Variants in CHCHD6 observed in about 807,000 individuals in gnomAD.
The protein encoded by CHCHD6 is coiled-coil-helix-coiled-coil-helix domain containing 6.
In CHCHD6, 28 loss-of-function variants were observed where a neutral mutation model predicts 32.3. The observed-to-expected ratio is 0.87, with a 90% CI of 0.64 to 1.19. The LOEUF is 1.19. Ranked by LOEUF, CHCHD6 falls within the 50% of genes most tolerant of loss-of-function variation. CHCHD6 has a pLI of 0.00. For synonymous variants in CHCHD6, 122 were observed against 117.5 expected (o/e 1.04, Z -0.25); for missense variants, 333 against 307.0 (o/e 1.08, Z -0.63).
In CHCHD6 at chr3:126,913,207, CTTTTTTTTTTTTTTTTTTTTTTT is replaced by C. The variant is rs546179022; in HGVS notation, c.496-1458_496-1436del. Among the ~76,000 whole-genome samples the C allele has an allele frequency of 1.8e-4, 6 of 33,786 alleles. No homozygotes were observed. The East Asian group carries it at 3.3e-3, about 18-fold the overall frequency. 22.2% of individuals were successfully genotyped at this position (33,786 alleles called of 152,430 possible). On this transcript the variant is annotated intron_variant, in intron 5 of 7. Transcript: ENST00000290913. Reference sequence around the variant, plus strand: ...GGATAATCATGCTGCCCGTATGAGCCTTTTTTTTTTTTTTTTTTTTTTTTTTTTTTTTTTTTTGGGAGACGGAG... The same window carrying C: ...GGATAATCATGCTGCCCGTATGAGCCTTTTTTTTTTTTTTGGGAGACGGAG...
Position 126,854,656 on chromosome 3 carries a change from G to A in CHCHD6, c.495+1926G>A, listed in dbSNP as rs73203684. 8.0e-3 allele frequency among the ~76,000 whole-genome samples: 1,221 copies of A among 152,116 alleles called. 8 individuals are homozygous for A. The highest frequency in any genetic ancestry group is 0.014 in the Middle Eastern group (4 of 294). Reference sequence around the variant, plus strand: ...TGACATTTCCAGCTTCTGTACACACGGCTCCAGGACTTCCCAATCATCACA... The same window carrying A: ...TGACATTTCCAGCTTCTGTACACACAGCTCCAGGACTTCCCAATCATCACA... On this transcript the variant is annotated intron_variant, in intron 5 of 7. Coordinates refer to ENST00000290913, the MANE Select transcript of CHCHD6 (RefSeq NM_032343.3).
At chr3:126,735,396 G>A (rs1375468744) in intron 4 of CHCHD6, among the ~76,000 whole-genome samples, 1 of 152,222 alleles carries the variant, frequency 6.6e-6, no homozygotes, top group Non-Finnish European at 1.5e-5. Flanking sequence ...TTAGGGAATA[G>A]TGACATAAGT....
At chr3:126,762,216 G>A (rs1185796506) in intron 4 of CHCHD6, among the ~76,000 whole-genome samples, 2 of 151,776 alleles carry the variant, frequency 1.3e-5, no homozygotes, top group Admixed American at 6.6e-5. Context: ...TCTTTTTCTA[G>A]TTCTTTAAGT....
At chr3:126,798,156 G>T (rs542229067) in intron 4 of CHCHD6, among the ~76,000 whole-genome samples, 1 of 152,180 alleles carries the variant, frequency 6.6e-6, no homozygotes, top group African/African-American at 2.4e-5. Flanking sequence ...GGGGATGAGC[G>T]CAGCAGGGTG....
At chr3:126,921,889 A>G (rs2078254204) in intron 6 of CHCHD6, among the ~76,000 whole-genome samples, 1 of 152,240 alleles carries the variant, frequency 6.6e-6, no homozygotes, top group Admixed American at 6.5e-5. Context: ...ATGACAGATG[A>G]CCTATTAAAA....
At chr3:126,925,517 G>C (rs979403657) in intron 6 of CHCHD6, among the ~76,000 whole-genome samples, 3 of 152,198 alleles carry the variant, frequency 2.0e-5, no homozygotes, top group Non-Finnish European at 2.9e-5. Context: ...AAGAAAAGCA[G>C]CCATGTCACT....
intron 1 of CHCHD6, among the ~76,000 whole-genome samples, chr3:126,712,511 G>A (rs1576325300): frequency 6.6e-6 from 1 of 152,098 alleles, no homozygotes. Context: ...GGCTCATCTC[G>A]GGCCAGTTCC....
chr3:126,704,423 G>T, intron 1 of CHCHD6, 24 bp downstream of exon 1: 1 of 1,484,478 alleles, frequency 6.7e-7, no homozygotes. Context: ...CCTGGGCCGG[G>T]GCGGGCGTGG....
At chr3:126,855,430 G>A (rs530669126) in intron 5 of CHCHD6, among the ~76,000 whole-genome samples, 5 of 152,304 alleles carry the variant, frequency 3.3e-5, no homozygotes, top group Non-Finnish European at 5.9e-5. Flanking sequence ...CGTGCTGGGC[G>A]CCTGGCAAGT....
intron 4 of CHCHD6, among the ~76,000 whole-genome samples, chr3:126,783,426 C>T (rs745549324): frequency 2.0e-5 from 3 of 152,170 alleles, no homozygotes; most frequent in Admixed American, 2.0e-4. Context: ...TTCTATTCAA[C>T]ACAGGGCTCG....
At chr3:126,907,942 G>A (rs549731771) in intron 5 of CHCHD6, among the ~76,000 whole-genome samples, 3 of 152,270 alleles carry the variant, frequency 2.0e-5, no homozygotes, top group Non-Finnish European at 4.4e-5. Context: ...GCCTGTCCTC[G>A]GATCCTGTTG....
At chr3:126,878,336 G>T (rs973563362) in intron 5 of CHCHD6, among the ~76,000 whole-genome samples, 1 of 152,228 alleles carries the variant, frequency 6.6e-6, no homozygotes, top group Non-Finnish European at 1.5e-5. Context: ...AAATCTGGCT[G>T]GTTCCGAGGC....
intron 5 of CHCHD6, among the ~76,000 whole-genome samples, chr3:126,904,463 G>A (rs1364437264): frequency 6.6e-6 from 1 of 152,210 alleles, no homozygotes. Context: ...AGTATTCAGT[G>A]TGAATCACAT....
intron 4 of CHCHD6, among the ~76,000 whole-genome samples, chr3:126,786,890 G>C (rs1482842433): frequency 6.6e-6 from 1 of 152,142 alleles, no homozygotes; most frequent in Non-Finnish European, 1.5e-5. Flanking sequence ...TAGACATGAA[G>C]TCCTTGCCCA....
At chr3:126,909,675 G>GC (rs1360404125) in intron 5 of CHCHD6, among the ~76,000 whole-genome samples, 1 of 152,220 alleles carries the variant, frequency 6.6e-6, no homozygotes, top group African/African-American at 2.4e-5. Context: ...AGGAGGAGGG[G>GC]CAGCTGTCTA....
chr3:126,902,700 G>A (rs1972981), intron 5 of CHCHD6, among the ~76,000 whole-genome samples: 53,586 of 144,972 alleles, frequency 0.37, 10,829 homozygotes, highest in African/African-American at 0.55. Context: ...CTGGGCGACA[G>A]AGCAAGACTC....
At chr3:126,739,199 T>G (rs1348865083) in intron 4 of CHCHD6, among the ~76,000 whole-genome samples, 7 of 152,256 alleles carry the variant, frequency 4.6e-5, no homozygotes, top group African/African-American at 1.4e-4. Flanking sequence ...CTTTCTTTAC[T>G]TCCTTGTTTT....
intron 4 of CHCHD6, among the ~76,000 whole-genome samples, chr3:126,790,616 A>G (rs979030237): frequency 6.6e-6 from 1 of 152,122 alleles, no homozygotes; most frequent in Non-Finnish European, 1.5e-5. Flanking sequence ...TGATTGAATC[A>G]GCTACTGAAG....
At chr3:126,833,936 C>G (rs1315827731) in intron 4 of CHCHD6, among the ~76,000 whole-genome samples, 1 of 149,722 alleles carries the variant, frequency 6.7e-6, no homozygotes, top group Non-Finnish European at 1.5e-5. Flanking sequence ...CGCCTGTAGT[C>G]CTAGCTACTT....
Sources: allele counts gnomAD v4.1 joint callset (sites outside exome capture counted in the v4.1 genomes callset), GRCh38; gene constraint gnomAD v4.1.1; transcripts MANE v1.5; gene names NCBI Gene and HGNC (gene_info 2026-07-23, HGNC 2026-07-21).